Variants in CDH13 observed in about 807,000 individuals in gnomAD.
The protein encoded by CDH13 is cadherin 13.
Under a neutral mutation model 63.8 loss-of-function variants are expected in CDH13, and 24 were observed. That is an observed-to-expected ratio of 0.38 (90% confidence interval 0.27 to 0.53). The LOEUF is 0.53. CDH13 is among the 20% of genes least tolerant of loss of function. CDH13 has a pLI of 0.85. For missense variants in CDH13, 1,049 were observed against 903.1 expected (o/e 1.16, Z -2.07); for synonymous variants, 503 against 355.3 (o/e 1.42, Z -4.67).
intron 5 of CDH13, among the ~76,000 whole-genome samples, chr16:83,224,082 A>C (rs560946688): frequency 6.6e-6 from 1 of 152,178 alleles, no homozygotes; most frequent in Non-Finnish European, 1.5e-5. Context: ...GAGTGAGAAC[A>C]TATGATGTTT....
At chr16:82,704,421 T>A (rs1373185335) in intron 1 of CDH13, among the ~76,000 whole-genome samples, 1 of 152,254 alleles carries the variant, frequency 6.6e-6, no homozygotes, top group African/African-American at 2.4e-5. Context: ...TCTTCATTTA[T>A]TCATTCATTC....
chr16:83,053,990 T>C (rs2151510196), intron 3 of CDH13, among the ~76,000 whole-genome samples: 1 of 152,360 alleles, frequency 6.6e-6, no homozygotes, highest in East Asian at 1.9e-4. Flanking sequence ...ATTTTTACTG[T>C]ACTTTTTGTG....
At chr16:83,432,444 G>T (rs2072149240) in intron 6 of CDH13, among the ~76,000 whole-genome samples, 1 of 152,160 alleles carries the variant, frequency 6.6e-6, no homozygotes, top group African/African-American at 2.4e-5. Context: ...CTAGCAAGTG[G>T]CAGAGTGGGG....
chr16:83,724,396 A>G (rs925951003), intron 10 of CDH13, among the ~76,000 whole-genome samples: 1 of 148,578 alleles, frequency 6.7e-6, no homozygotes, highest in African/African-American at 2.5e-5. Flanking sequence ...TGATGAATGC[A>G]TGGGTGAGTG....
intron 2 of CDH13, among the ~76,000 whole-genome samples, chr16:82,926,386 T>C (rs2042305145): frequency 6.6e-6 from 1 of 152,198 alleles, no homozygotes; most frequent in Non-Finnish European, 1.5e-5. Flanking sequence ...CCTGTGCCTG[T>C]TTTCCTGAAA....
intron 2 of CDH13, among the ~76,000 whole-genome samples, chr16:82,915,402 G>A (rs2041955498): frequency 6.6e-6 from 1 of 152,156 alleles, no homozygotes; most frequent in Non-Finnish European, 1.5e-5. Flanking sequence ...TTTGGAAATG[G>A]TTTTGTAAAC....
intron 8 of CDH13, among the ~76,000 whole-genome samples, chr16:83,631,357 GTT>G: frequency 1.7e-4 from 2 of 11,798 alleles, no homozygotes; most frequent in South Asian, 8.0e-3. Flanking sequence ...TGTTTGGTTT[GTT>G]GTTGTTTGTT....
At chr16:82,920,687 A>G (rs1258017564) in intron 2 of CDH13, among the ~76,000 whole-genome samples, 1 of 152,114 alleles carries the variant, frequency 6.6e-6, no homozygotes, top group Non-Finnish European at 1.5e-5. Flanking sequence ...TTAATCTTAT[A>G]TTCTCTCTCA....
At chr16:82,884,280 G>C in intron 2 of CDH13, 1 of 450,464 alleles carries the variant, frequency 2.2e-6, no homozygotes, top group Non-Finnish European at 4.4e-6. Flanking sequence ...AGATGGGTTT[G>C]TCAGTCAGCA....
At chr16:83,039,090 A>C (rs1167077743) in intron 3 of CDH13, among the ~76,000 whole-genome samples, 1 of 152,204 alleles carries the variant, frequency 6.6e-6, no homozygotes, top group Non-Finnish European at 1.5e-5. Context: ...CTTATGAACA[A>C]AGCAAAAGTC....
intron 6 of CDH13, among the ~76,000 whole-genome samples, chr16:83,452,504 G>A (rs374497462): frequency 1.6e-4 from 24 of 152,140 alleles, no homozygotes; most frequent in South Asian, 1.2e-3. Context: ...TTAGCATCAC[G>A]TGGCTCCTCA....
At chr16:83,541,368 T>A (rs1229638197) in intron 7 of CDH13, among the ~76,000 whole-genome samples, 2 of 152,222 alleles carry the variant, frequency 1.3e-5, no homozygotes, top group Non-Finnish European at 2.9e-5. Context: ...TTGCATGTCT[T>A]CAGTCCCTCA....
rs146286559 is a variant in CDH13, at chr16:83,292,156, A to G, written c.637-52706A>G. 6.3e-3 allele frequency among the ~76,000 whole-genome samples: 957 copies of G among 152,334 alleles called. 11 individuals carry two copies. The highest frequency in any genetic ancestry group is 0.022 in the African/African-American group (910 of 41,590). On this transcript the variant is annotated intron_variant, in intron 5 of 13. Transcript: ENST00000567109. ...AGTTAGTTTCTGTTCAGACTTTAAC[A>G]ACTTGGTATCTGTCAACTGAAGCAT...
At chr16:83,030,154 A>G (rs530846126) in intron 2 of CDH13, among the ~76,000 whole-genome samples, 51 of 152,130 alleles carry the variant, frequency 3.4e-4, no homozygotes, top group Middle Eastern at 3.2e-3. Context: ...CCACACATGA[A>G]TAAGGTATTC....
At chr16:83,043,601 G>C (rs1455644112) in intron 3 of CDH13, among the ~76,000 whole-genome samples, 2 of 151,666 alleles carry the variant, frequency 1.3e-5, no homozygotes, top group African/African-American at 2.4e-5. Flanking sequence ...GCTCACACCT[G>C]TAATCCCAGC....
intron 5 of CDH13, among the ~76,000 whole-genome samples, chr16:83,279,196 A>G (rs2089085847): frequency 6.6e-6 from 1 of 152,162 alleles, no homozygotes; most frequent in African/African-American, 2.4e-5. Context: ...CATAGATACA[A>G]ACGAGTCTAA....
intron 5 of CDH13, among the ~76,000 whole-genome samples, chr16:83,225,640 T>C (rs969810515): frequency 1.3e-5 from 2 of 152,114 alleles, no homozygotes; most frequent in African/African-American, 2.4e-5. Context: ...AACAAAGCAT[T>C]TGTGGTTCTT....
At chr16:83,722,203 A>G (rs1375128463) in intron 10 of CDH13, among the ~76,000 whole-genome samples, 1 of 149,336 alleles carries the variant, frequency 6.7e-6, no homozygotes, top group Non-Finnish European at 1.5e-5. Flanking sequence ...TGCTGGCTAC[A>G]CAATCTCTCT....
At chr16:82,905,286 G>A (rs1029455173) in intron 2 of CDH13, among the ~76,000 whole-genome samples, 2 of 152,118 alleles carry the variant, frequency 1.3e-5, no homozygotes, top group Non-Finnish European at 2.9e-5. Flanking sequence ...AACTTGCTCA[G>A]GTCACGCAGC....
Sources: allele counts gnomAD v4.1 joint callset (sites outside exome capture counted in the v4.1 genomes callset), GRCh38; gene constraint gnomAD v4.1.1; transcripts MANE v1.5; gene names NCBI Gene and HGNC (gene_info 2026-07-23, HGNC 2026-07-21).